Variants in CRACD observed in about 807,000 individuals in gnomAD.
CRACD encodes the protein capping protein inhibiting regulator of actin dynamics.
A neutral mutation model predicts 106.8 loss-of-function variants in CRACD; 56 were observed. The observed-to-expected ratio is 0.52, with a 90% CI of 0.42 to 0.66. CRACD has a LOEUF of 0.66. Among genes scored for constraint, CRACD ranks in the 30% least tolerant of loss-of-function variants. The pLI is 0.00. For missense variants in CRACD, 1,730 were observed against 1,623.2 expected (o/e 1.07, Z -1.13); for synonymous variants, 754 against 670.8 (o/e 1.12, Z -1.92).
chr4:56,098,701 C>G (rs1019933088), intron 1 of CRACD, among the ~76,000 whole-genome samples: 8 of 151,926 alleles, frequency 5.3e-5, no homozygotes, highest in African/African-American at 1.9e-4. Flanking sequence ...GCAATCTATT[C>G]TTTTTTTTGA....
intron 2 of CRACD, 95 bp from the exon 3 acceptor site, chr4:56,272,226 C>T (rs1471518497): frequency 6.5e-6 from 1 of 153,686 alleles, no homozygotes; most frequent in Non-Finnish European, 1.5e-5. Flanking sequence ...TGCCCTGTCT[C>T]CTTTGGCCGG....
At chr4:56,276,500 T>C (rs1742681353) in intron 3 of CRACD, among the ~76,000 whole-genome samples, 1 of 152,198 alleles carries the variant, frequency 6.6e-6, no homozygotes, top group Non-Finnish European at 1.5e-5. Flanking sequence ...GTTATTACAG[T>C]GTATTCACTT....
At chr4:56,091,364 CT>C (rs60218856) in intron 1 of CRACD, among the ~76,000 whole-genome samples, 53,493 of 146,444 alleles carry the variant, frequency 0.37, 10,602 homozygotes, top group African/African-American at 0.55. Context: ...CAGAGTAGTT[CT>C]TTTTTTTTTT....
chr4:56,324,191 C>T lies in CRACD; in HGVS notation c.3466C>T (p.Pro1156Ser). The change falls in exon 10 of 11, where the codon CCC becomes TCC. Residue 1156 changes from proline (P) to serine (S), a missense_variant. Pro to Ser is a moderately conservative substitution (Grantham distance 74). Coordinates refer to ENST00000682029, the MANE Select transcript of CRACD (RefSeq NM_001393381.1). Reference protein sequence around the residue: ...KSTALPEEKRPETAVSRLERR... With the variant: ...KSTALPEEKRSETAVSRLERR... The stretch of plus-strand genomic sequence containing the variant: ...CACTGCTCTGCCAGAAGAGAAGAGG[C>T]CCGAGACTGCAGTGTCCAGGCTTGA... The T allele has an allele frequency of 3.1e-6, 5 of 1,614,154 alleles. No individual in the cohort carries two copies. Among genetic ancestry groups the T allele is most frequent in the African/African-American group, 1.3e-5 (1 of 75,064 alleles).
chr4:56,257,938 C>T (rs577538223), intron 2 of CRACD, among the ~76,000 whole-genome samples: 3 of 151,800 alleles, frequency 2.0e-5, no homozygotes, highest in South Asian at 2.1e-4. Context: ...GGCATGGTGG[C>T]GCGTGCCTGT....
chr4:56,303,843 G>A (rs776364891), intron 4 of CRACD, among the ~76,000 whole-genome samples: 4 of 152,198 alleles, frequency 2.6e-5, no homozygotes, highest in Non-Finnish European at 2.9e-5. Context: ...ACAGTGCTTC[G>A]TCTGGACATA....
chr4:56,123,750 C>CG (rs942764747), intron 1 of CRACD, among the ~76,000 whole-genome samples: 3 of 152,184 alleles, frequency 2.0e-5, no homozygotes, highest in South Asian at 2.1e-4. Flanking sequence ...TAGTACCCCC[C>CG]CTACACTGTC....
At chr4:56,073,272 T>G (rs995635849) in intron 1 of CRACD, among the ~76,000 whole-genome samples, 1 of 152,210 alleles carries the variant, frequency 6.6e-6, no homozygotes, top group Non-Finnish European at 1.5e-5. Context: ...CATCTGTTGT[T>G]TCCTGTCTTT....
At chr4:56,246,855 A>C (rs1211277997) in intron 2 of CRACD, 1 of 152,252 alleles carries the variant, frequency 6.6e-6, no homozygotes, top group African/African-American at 2.4e-5. Context: ...CAGTTTTCTA[A>C]GACAGTGAAT....
chr4:56,126,673 T>C (rs1734669574), intron 1 of CRACD, among the ~76,000 whole-genome samples: 1 of 152,248 alleles, frequency 6.6e-6, no homozygotes, highest in African/African-American at 2.4e-5. Context: ...TGAAAGTAGA[T>C]TGTAGACCTA....
intron 2 of CRACD, among the ~76,000 whole-genome samples, chr4:56,251,259 G>T (rs1741039818): frequency 6.6e-6 from 1 of 152,122 alleles, no homozygotes. Context: ...GAGAGGCCTG[G>T]TTTCTTCACT....
At chr4:56,294,513 A>G (rs867885980) in intron 3 of CRACD, among the ~76,000 whole-genome samples, 1 of 152,372 alleles carries the variant, frequency 6.6e-6, no homozygotes. Context: ...GCCCATGTTC[A>G]TGGATTAAAA....
chr4:56,180,531 A>G (rs147010702), intron 2 of CRACD, among the ~76,000 whole-genome samples: 7,885 of 141,350 alleles, frequency 0.056, 774 homozygotes, highest in East Asian at 0.43. Context: ...TAAATAAATA[A>G]ATAGATAGAT....
At chr4:56,114,512 A>G (rs1375443416) in intron 1 of CRACD, among the ~76,000 whole-genome samples, 2 of 152,102 alleles carry the variant, frequency 1.3e-5, no homozygotes, top group African/African-American at 2.4e-5. Context: ...GAAGACATGG[A>G]CAAAGTAGAT....
intron 1 of CRACD, among the ~76,000 whole-genome samples, chr4:56,142,399 A>G (rs188603424): frequency 2.0e-4 from 30 of 152,182 alleles, no homozygotes; most frequent in South Asian, 8.3e-4. Context: ...TGCCCTTCTG[A>G]AAGTTTGTGC....
chr4:56,061,197 G>A (rs771950747), intron 1 of CRACD, among the ~76,000 whole-genome samples: 65 of 152,120 alleles, frequency 4.3e-4, no homozygotes, highest in Admixed American at 1.5e-3. Flanking sequence ...TTGAGGCAAG[G>A]TCTTGCTCTG....
chr4:56,246,656 C>T (rs1450165584), intron 2 of CRACD: 1 of 152,238 alleles, frequency 6.6e-6, no homozygotes, highest in African/African-American at 2.4e-5. Context: ...GATAATTTAC[C>T]AGGTGGAAGA....
chr4:56,146,818 C>T (rs1009390591), intron 1 of CRACD, among the ~76,000 whole-genome samples: 8 of 152,094 alleles, frequency 5.3e-5, no homozygotes, highest in Non-Finnish European at 8.8e-5. Flanking sequence ...CTCAGTTGTG[C>T]TGCTCACTGC....
intron 1 of CRACD, among the ~76,000 whole-genome samples, chr4:56,070,847 C>CTGTGCGTGTG (rs1553899919): frequency 2.5e-5 from 3 of 120,360 alleles, no homozygotes; most frequent in Admixed American, 8.5e-5. Context: ...AGGGGCTATG[C>CTGTGCGTGTG]TGTGTGTGTG....
Sources: gnomAD v4.1 joint callset for allele counts (sites outside exome capture counted in the v4.1 genomes callset) on GRCh38, gnomAD v4.1.1 for gene constraint, MANE v1.5 for transcripts, NCBI Gene and HGNC (gene_info 2026-07-23, HGNC 2026-07-21) for gene names.